TG: variants seen among roughly 807,000 people sequenced by gnomAD.
TG encodes the protein thyroglobulin.
TG carries 270 observed loss-of-function variants against 324.7 expected under a neutral mutation model. That is an observed-to-expected ratio of 0.83 (90% confidence interval 0.75 to 0.92). The LOEUF (loss-of-function observed/expected upper bound fraction) is 0.92, where lower values mean the gene tolerates loss of function less well. TG is among the 40% of genes least tolerant of loss of function. TG has a pLI of 0.00. For synonymous variants in TG, 1,401 were observed against 1,327.0 expected, an observed-to-expected ratio of 1.06 and a Z score of -1.21; for missense variants, 3,591 against 3,456.4, an observed-to-expected ratio of 1.04 and a Z score of -0.98.
intron 18 of TG, among the ~76,000 whole-genome samples, chr8:132,908,763 G>C (rs1819068033): frequency 6.6e-6 from 1 of 152,158 alleles, no homozygotes; most frequent in Non-Finnish European, 1.5e-5. Flanking sequence ...GGGAAATAAA[G>C]CAGGTCGGGC....
chr8:133,133,723 C>T lies in TG; in HGVS notation c.8188+63C>T, dbSNP rs1852125776. The T allele has an allele frequency of 1.9e-6, 3 of 1,556,830 alleles. No homozygotes were observed. In the East Asian group the frequency reaches 7.0e-5, roughly 36 times the overall value. Reference sequence around the variant, plus strand: ...TTGATCTCAGCATCTGCTGTGCTCGCTGCATGAGACCTGTGCTGCGCGCGC... The same window carrying T: ...TTGATCTCAGCATCTGCTGTGCTCGTTGCATGAGACCTGTGCTGCGCGCGC... On this transcript the variant is annotated intron_variant, in intron 47 of 47. Coordinates refer to ENST00000220616, the MANE Select transcript of TG (RefSeq NM_003235.5).
chr8:133,050,891 A>T, intron 41 of TG: 1 of 1,613,628 alleles, frequency 6.2e-7, no homozygotes, highest in Non-Finnish European at 8.5e-7. Flanking sequence ...GTCACTTAGC[A>T]CGGCAAGGAA....
At chr8:132,885,204 C>T (rs1047808498) in intron 8 of TG, among the ~76,000 whole-genome samples, 1 of 151,864 alleles carries the variant, frequency 6.6e-6, no homozygotes, top group Admixed American at 6.5e-5. Context: ...TTACATCCAC[C>T]TATGTAACTG....
At position 132,871,256 on chromosome 8, in the gene TG, G is replaced by A. The variant is rs774636381; in HGVS notation, c.275-92G>A. ...GGCGGGTCATTCCCCTCTCAGCTGT[G>A]TCCCCTTGGGAAGGGAGCATGAGTT... On this transcript the variant is annotated intron_variant, in intron 3 of 47. Coordinates refer to ENST00000220616, the MANE Select transcript of TG (RefSeq NM_003235.5). 1.0e-5 allele frequency: 14 copies of A among 1,362,816 alleles called. No individual in the cohort carries two copies. The Admixed American group carries it at 1.7e-4, about 16-fold the overall frequency. 84.4% of individuals were successfully genotyped at this position (1,362,816 alleles called of 1,614,324 possible).
chr8:133,009,876 C>T (rs1311308770), intron 35 of TG, among the ~76,000 whole-genome samples: 1 of 151,796 alleles, frequency 6.6e-6, no homozygotes, highest in African/African-American at 2.4e-5. Flanking sequence ...GTTGTTTAAG[C>T]CACCCAGCCT....
intron 41 of TG, among the ~76,000 whole-genome samples, chr8:133,057,937 G>A (rs1841757466): frequency 6.6e-6 from 1 of 152,182 alleles, no homozygotes; most frequent in African/African-American, 2.4e-5. Context: ...AGGGTCTGTG[G>A]AGGGTCTGTG....
At chr8:133,053,110 T>C (rs1457210210) in intron 41 of TG, among the ~76,000 whole-genome samples, 1 of 152,186 alleles carries the variant, frequency 6.6e-6, no homozygotes, top group Non-Finnish European at 1.5e-5. Flanking sequence ...GAACACACCC[T>C]GCTCTTCCCT....
chr8:133,114,218 G>A (rs76812411), intron 44 of TG, among the ~76,000 whole-genome samples: 9,786 of 152,186 alleles, frequency 0.064, 1,056 homozygotes, highest in African/African-American at 0.22. Context: ...ACAGCCCTGC[G>A]CCCTCTCTCT....
At chr8:132,871,837 G>A (rs547917472) in intron 4 of TG, among the ~76,000 whole-genome samples, 2 of 152,320 alleles carry the variant, frequency 1.3e-5, no homozygotes, top group South Asian at 2.1e-4. Flanking sequence ...ACTGTCACGT[G>A]TATAGTATAA....
chr8:132,934,706 C>T (rs911117511), intron 24 of TG, among the ~76,000 whole-genome samples: 1 of 152,180 alleles, frequency 6.6e-6, no homozygotes, highest in African/African-American at 2.4e-5. Flanking sequence ...CTTGCTGTAG[C>T]CCCTGTCCTC....
intron 2 of TG, among the ~76,000 whole-genome samples, chr8:132,869,045 A>T (rs560175109): frequency 2.0e-5 from 3 of 152,154 alleles, no homozygotes; most frequent in Non-Finnish European, 4.4e-5. Context: ...TGCTTAGATC[A>T]CTGGGAATTC....
intron 41 of TG, among the ~76,000 whole-genome samples, chr8:133,094,088 C>T (rs1037678336): frequency 3.9e-5 from 6 of 152,070 alleles, no homozygotes; most frequent in African/African-American, 1.2e-4. Flanking sequence ...ATAGCGGATG[C>T]ACCCTGGAAC....
intron 2 of TG, 45 bp downstream of exon 2, chr8:132,868,268 T>C: frequency 1.3e-6 from 2 of 1,568,994 alleles, no homozygotes; most frequent in Non-Finnish European, 1.8e-6. Context: ...CAAGATGCCA[T>C]AAAAAGCATC....
rs769734347 is a variant in TG, at chr8:132,898,151, C to G, written c.3140-18C>G. On this transcript the variant is annotated intron_variant, in intron 12 of 47. Transcript: ENST00000220616. ...CCTAGTGCAATTCCTGAATGTTCTCCCCTTGGCTCTTTTCCAGGGCACTGC... is the reference window on the plus strand; with the variant it reads ...CCTAGTGCAATTCCTGAATGTTCTCGCCTTGGCTCTTTTCCAGGGCACTGC... 1.3e-6 allele frequency: 2 copies of G among 1,589,136 alleles called. No homozygotes were observed. The highest frequency in any genetic ancestry group is 3.5e-5 in the Admixed American group (2 of 57,034).
In TG at chr8:132,892,654, AGT is replaced by A. The variant is rs935056107; in HGVS notation, c.2762-1029_2762-1028del. Among the ~76,000 whole-genome samples the A allele has an allele frequency of 1.4e-4, 21 of 152,036 alleles. 1 individual carries two copies. Among genetic ancestry groups the A allele is most frequent in the African/African-American group, 5.1e-4 (21 of 41,472 alleles). On this transcript the variant is annotated intron_variant, in intron 10 of 47. Transcript: ENST00000220616. ...GCTCACGTGTGGGTGTGTATTGTGTAGTGTGTGTATGTGTGTGCTGTGGTGGG... is the reference window on the plus strand; with the variant it reads ...GCTCACGTGTGGGTGTGTATTGTGTAGTGTGTATGTGTGTGCTGTGGTGGG...
intron 42 of TG, among the ~76,000 whole-genome samples, 185 bp from the exon 43 acceptor site, chr8:133,096,021 C>G (rs1208774820): frequency 6.6e-6 from 1 of 152,224 alleles, no homozygotes; most frequent in Non-Finnish European, 1.5e-5. Flanking sequence ...GAGTGAGATT[C>G]ATTCACCCTC....
chr8:132,897,040 C>T (rs1817222925), intron 11 of TG, among the ~76,000 whole-genome samples: 1 of 152,166 alleles, frequency 6.6e-6, no homozygotes, highest in Non-Finnish European at 1.5e-5. Context: ...CTGTGAAGAT[C>T]TGATATGATT....
chr8:133,098,222 G>GCTT (rs1848725133), intron 43 of TG, among the ~76,000 whole-genome samples: 2 of 152,154 alleles, frequency 1.3e-5, no homozygotes, highest in African/African-American at 4.8e-5. Flanking sequence ...TCCTCAAGTT[G>GCTT]CTTCTGATCA....
chr8:133,099,160 A>T (rs1457707738), intron 43 of TG, among the ~76,000 whole-genome samples: 2 of 152,164 alleles, frequency 1.3e-5, no homozygotes, highest in Non-Finnish European at 2.9e-5. Context: ...CCAAATAGAG[A>T]AGCCTCTCTA....
Sources: allele counts gnomAD v4.1 joint callset (sites outside exome capture counted in the v4.1 genomes callset), GRCh38; gene constraint gnomAD v4.1.1; transcripts MANE v1.5; gene names NCBI Gene and HGNC (gene_info 2026-07-23, HGNC 2026-07-21).